The following NUP153 variants were observed in gnomAD, a reference collection of about 807,000 sequenced individuals.
NUP153 encodes the protein nucleoporin 153.
NUP153 carries 27 observed loss-of-function variants against 134.6 expected under a neutral mutation model. That is an observed-to-expected ratio of 0.20 (90% CI 0.15 to 0.28). NUP153 has a LOEUF of 0.28. NUP153 is among the 10% of genes least tolerant of loss of function. The pLI is 1.00. For synonymous variants in NUP153, 640 were observed against 623.5 expected (o/e 1.03, Z -0.40); for missense variants, 1,821 against 1,731.3 (o/e 1.05, Z -0.92).
At position 17,625,772 on chromosome 6, in the gene NUP153, T is replaced by C. The variant is rs376991640; in HGVS notation, c.3901+36A>G. ...CTGACACACTAATAAGTAAAGTCCA[T>C]CCAATTACAATGCATTTTTTCTTTT... On this transcript the variant is annotated intron_variant, in intron 19 of 21. Coordinates refer to ENST00000262077, the MANE Select transcript of NUP153 (RefSeq NM_005124.4). This position sits in a 1 kb window ranked among gnomAD's most constrained non-coding sequence, Gnocchi z 4.7. The C allele has an allele frequency of 1.4e-6, 2 of 1,470,554 alleles. No individual in the cohort carries two copies. The highest frequency in any genetic ancestry group is 1.4e-5 in the African/African-American group (1 of 71,888). 91.1% of individuals were successfully genotyped at this position (1,470,554 alleles called of 1,614,324 possible).
At chr6:17,694,992 A>AAG (rs758904884) in intron 1 of NUP153, among the ~76,000 whole-genome samples, 1 of 145,180 alleles carries the variant, frequency 6.9e-6, no homozygotes, top group South Asian at 2.2e-4. Flanking sequence ...GAAAAAAAAA[A>AAG]AGAGAGAGTG....
chr6:17,624,152 G>A (rs1764794302), intron 20 of NUP153, among the ~76,000 whole-genome samples: 1 of 152,184 alleles, frequency 6.6e-6, no homozygotes, highest in Non-Finnish European at 1.5e-5. Context: ...TCAGTAAATA[G>A]AAAGTGTCAT....
rs747081073 is a variant in NUP153 at position 17,632,602 on chromosome 6, C to A, written c.2659+48G>T. 3.4e-6 allele frequency: 5 copies of A among 1,463,684 alleles called. No homozygotes were observed. In the Admixed American group the frequency reaches 8.7e-5, roughly 25 times the overall value. 90.7% of individuals were successfully genotyped at this position (1,463,684 alleles called of 1,614,324 possible). A position where few individuals can be genotyped will look rare whatever the true frequency, so the allele number is the denominator to read the frequency against. ...AATACTTCATTTTTAAATGGCCTTA[C>A]AAAAAGGCGCTTTACCATCACCTTT... is the stretch of plus-strand genomic sequence containing the variant. On this transcript the variant is annotated intron_variant, in intron 17 of 21. Transcript: ENST00000262077.
At chr6:17,619,225 C>G (rs181483450) in intron 20 of NUP153, among the ~76,000 whole-genome samples, 6 of 152,126 alleles carry the variant, frequency 3.9e-5, no homozygotes, top group African/African-American at 1.4e-4. Context: ...AAATGATTTC[C>G]AATCTACATC....
At position 17,674,397 on chromosome 6, in the gene NUP153, G is replaced by C. The variant is rs191923206; in HGVS notation, c.852+508C>G. Among the ~76,000 whole-genome samples the C allele has an allele frequency of 6.9e-3, 1,048 of 152,080 alleles. 5 individuals are homozygous for C. Among genetic ancestry groups the C allele is most frequent in the Non-Finnish European group, 0.012 (801 of 68,012 alleles). On this transcript the variant is annotated intron_variant, in intron 5 of 21. Transcript: ENST00000262077. ...ATCTAATACATAAAACACTCACTTA[G>C]GTCTAAAATAATGTTTATATACCCT...
chr6:17,665,398 G>C lies in NUP153; in HGVS notation c.1069-13C>G, dbSNP rs1205182822. ...ATTGAGAATCCACCTTACAGGTAAA[G>C]AGAAATCAAAAACATTTATTTTCAT... is the stretch of plus-strand genomic sequence containing the variant. On this transcript the variant is annotated splice_polypyrimidine_tract_variant and intron_variant, in intron 8 of 21. Transcript: ENST00000262077. 2 of 1,585,274 alleles carry C rather than the reference G, an allele frequency of 1.3e-6. No homozygotes were observed. Among genetic ancestry groups the C allele is most frequent in the Admixed American group, 1.9e-5 (1 of 52,316 alleles).
chr6:17,616,782 C>A, intron 20 of NUP153, 87 bp from the exon 21 acceptor site: 2 of 1,287,736 alleles, frequency 1.6e-6, no homozygotes, highest in Non-Finnish European at 2.2e-6. Flanking sequence ...CGGAGTCTCG[C>A]TCTCTTGCCC....
At chr6:17,627,613 A>G (rs1447707497) in intron 18 of NUP153, among the ~76,000 whole-genome samples, 1 of 152,132 alleles carries the variant, frequency 6.6e-6, no homozygotes, top group Admixed American at 6.5e-5. Flanking sequence ...CTTGTGCTTC[A>G]GCCTCCCGAC....
chr6:17,696,291 C>T (rs1184227850), intron 1 of NUP153, among the ~76,000 whole-genome samples: 19 of 152,120 alleles, frequency 1.2e-4, no homozygotes, highest in African/African-American at 4.1e-4. Flanking sequence ...AGAGGAAAAA[C>T]GGTTTTCTTA....
At chr6:17,632,544 A>T in intron 17 of NUP153, 106 bp downstream of exon 17, 1 of 739,192 alleles carries the variant, frequency 1.4e-6, no homozygotes, top group Non-Finnish European at 2.1e-6. Context: ...TTAATTTTCA[A>T]GAGAGAATGA....
At chr6:17,667,216 T>A (rs188421121) in intron 8 of NUP153, among the ~76,000 whole-genome samples, 1 of 152,338 alleles carries the variant, frequency 6.6e-6, no homozygotes. Flanking sequence ...ATAGATTCCT[T>A]CTTGCCTAAT....
At chr6:17,644,892 G>C (rs969241589) in intron 14 of NUP153, among the ~76,000 whole-genome samples, 1 of 152,036 alleles carries the variant, frequency 6.6e-6, no homozygotes, top group Non-Finnish European at 1.5e-5. Flanking sequence ...GAGACCATCC[G>C]AGCTAACATG....
intron 11 of NUP153, among the ~76,000 whole-genome samples, chr6:17,649,936 G>T (rs1766419658): frequency 6.6e-6 from 1 of 152,134 alleles, no homozygotes; most frequent in South Asian, 2.1e-4. Flanking sequence ...AGCATTATAT[G>T]GTCTTGGCAT....
Position 17,661,557 on chromosome 6 carries a change from G to A in NUP153, c.1395+96C>T, listed in dbSNP as rs957756579. 3 of 1,207,852 alleles carry A rather than the reference G, an allele frequency of 2.5e-6. No individual in the cohort carries two copies. In the African/African-American group the frequency reaches 4.7e-5, roughly 19 times the overall value. The allele number at this position is 1,207,852 out of a possible 1,614,324, so 74.8% of individuals were successfully genotyped here. A position where few individuals can be genotyped will look rare whatever the true frequency, so the allele number is the denominator to read the frequency against. ...CAATAGCAGATTAATTTTGCTCTGG[G>A]TCTCTTCGAACCCCACCCCTACAGG... On this transcript the variant is annotated intron_variant, in intron 11 of 21. Coordinates refer to ENST00000262077, the MANE Select transcript of NUP153 (RefSeq NM_005124.4).
chr6:17,689,530 C>T (rs1041786404), intron 1 of NUP153, among the ~76,000 whole-genome samples: 2 of 151,016 alleles, frequency 1.3e-5, no homozygotes, highest in African/African-American at 4.9e-5. Flanking sequence ...AATTTTATTA[C>T]GGTAACTTCT....
intron 9 of NUP153, among the ~76,000 whole-genome samples, chr6:17,664,704 A>T (rs1767408072): frequency 6.6e-6 from 1 of 152,162 alleles, no homozygotes; most frequent in Admixed American, 6.5e-5. Flanking sequence ...AAAATTATGT[A>T]ACCTAAACAA....
intron 2 of NUP153, among the ~76,000 whole-genome samples, chr6:17,678,673 G>C (rs1484649830): frequency 6.6e-6 from 1 of 152,204 alleles, no homozygotes; most frequent in Non-Finnish European, 1.5e-5. Context: ...GCTGGACACA[G>C]TGGCTCACGC....
chr6:17,616,271 G>C lies in NUP153; in HGVS notation c.4344-90C>G, dbSNP rs1477088945. The C allele has an allele frequency of 1.4e-5, 8 of 577,030 alleles. No homozygotes were observed. In the African/African-American group the frequency reaches 1.6e-4, roughly 11 times the overall value. 35.7% of individuals were successfully genotyped at this position (577,030 alleles called of 1,614,324 possible). A position where few individuals can be genotyped will look rare whatever the true frequency, so the allele number is the denominator to read the frequency against. On this transcript the variant is annotated intron_variant, in intron 21 of 21. Transcript: ENST00000262077. ...TTTACCATGAGCAGCACAAGGGTAA[G>C]GGGGGTCGGGTGGGGGGGGAGTAGA...
intron 11 of NUP153, among the ~76,000 whole-genome samples, chr6:17,655,935 TG>T (rs1766789610): frequency 1.3e-5 from 2 of 152,184 alleles, no homozygotes; most frequent in South Asian, 2.1e-4. Context: ...CTGGGCGCAG[TG>T]GTTCAACCCT....
Sources: allele counts gnomAD v4.1 joint callset (sites outside exome capture counted in the v4.1 genomes callset), GRCh38; gene constraint gnomAD v4.1.1; non-coding constraint Gnocchi (gnomAD v3.1); transcripts MANE v1.5; gene names NCBI Gene and HGNC (gene_info 2026-07-23, HGNC 2026-07-21).